SAMMSON: variants seen among roughly 807,000 people sequenced by gnomAD.
The protein encoded by SAMMSON is long intergenic non-protein coding RNA 1212.
At chr3:70,369,588 G>A (rs1321203344) in intron 9 of SAMMSON, among the ~76,000 whole-genome samples, 2 of 151,402 alleles carry the variant, frequency 1.3e-5, no homozygotes, top group African/African-American at 2.4e-5. Flanking sequence ...GAATCAGAGA[G>A]AAGATGTTGC....
intron 3 of SAMMSON, among the ~76,000 whole-genome samples, chr3:70,048,838 G>A (rs980440243): frequency 1.3e-5 from 2 of 152,030 alleles, no homozygotes; most frequent in Non-Finnish European, 2.9e-5. Context: ...GAGAGAAGAC[G>A]GTTAAACCCT....
intron 4 of SAMMSON, among the ~76,000 whole-genome samples, chr3:70,097,313 C>T (rs2067326460): frequency 6.6e-6 from 1 of 152,204 alleles, no homozygotes; most frequent in South Asian, 2.1e-4. Context: ...ACCATGAGGC[C>T]TACTGTTCTT....
At chr3:70,200,893 G>A (rs1056568591) in intron 4 of SAMMSON, among the ~76,000 whole-genome samples, 6 of 143,104 alleles carry the variant, frequency 4.2e-5, no homozygotes, top group African/African-American at 1.6e-4. Context: ...AAAGCCTGTG[G>A]TCTCTATCCC....
chr3:70,121,886 C>T (rs1392361796), intron 4 of SAMMSON, among the ~76,000 whole-genome samples: 1 of 152,056 alleles, frequency 6.6e-6, no homozygotes. Context: ...TCTAAGGATC[C>T]CCCCTGCACA....
chr3:70,344,650 A>C (rs1239447664), intron 7 of SAMMSON, among the ~76,000 whole-genome samples: 1 of 152,148 alleles, frequency 6.6e-6, no homozygotes, highest in African/African-American at 2.4e-5. Flanking sequence ...GGAGTCACAG[A>C]CACCCACCTC....
In SAMMSON at chr3:70,028,172, TTCCTTCCTTC is replaced by T. The variant is rs1559776246; in HGVS notation, n.417+14501_417+14510del. ...CTTCCTTCCTTCCTTCCTTCCTTCCTTCCTTCCTTCCTTCCTTTCTTTCTTTCTTTCTCTC... is the reference window on the plus strand; with the variant it reads ...CTTCCTTCCTTCCTTCCTTCCTTCCTCTTCCTTTCTTTCTTTCTTTCTCTC... On this transcript the variant is annotated intron_variant and non_coding_transcript_variant, in intron 3 of 9. Transcript: ENST00000642114. 5.8e-4 allele frequency among the ~76,000 whole-genome samples: 87 copies of T among 149,040 alleles called. 1 individual carries two copies. Among genetic ancestry groups the T allele is most frequent in the South Asian group, 2.8e-3 (13 of 4,618 alleles).
chr3:70,328,345 A>G (rs1482019141), intron 7 of SAMMSON, among the ~76,000 whole-genome samples: 2 of 152,178 alleles, frequency 1.3e-5, no homozygotes, highest in Admixed American at 1.3e-4. Context: ...AAAATCAATC[A>G]TTAGAAATAT....
At chr3:70,338,193 C>T (rs1232372239) in intron 7 of SAMMSON, among the ~76,000 whole-genome samples, 1 of 151,988 alleles carries the variant, frequency 6.6e-6, no homozygotes, top group African/African-American at 2.4e-5. Context: ...TGATTTGAGG[C>T]AACACATGTA....
intron 7 of SAMMSON, among the ~76,000 whole-genome samples, chr3:70,343,277 T>G (rs1471116283): frequency 6.6e-6 from 1 of 152,184 alleles, no homozygotes; most frequent in East Asian, 1.9e-4. Flanking sequence ...TCATATTTTA[T>G]TCATTTTTTT....
chr3:70,219,199 C>A (rs1420110026), intron 4 of SAMMSON, among the ~76,000 whole-genome samples: 3 of 152,148 alleles, frequency 2.0e-5, no homozygotes, highest in Admixed American at 1.3e-4. Flanking sequence ...CAAGAATGCT[C>A]ACATCTGCAA....
chr3:70,363,433 G>C (rs960028303), intron 9 of SAMMSON, among the ~76,000 whole-genome samples: 3 of 151,886 alleles, frequency 2.0e-5, no homozygotes, highest in Admixed American at 1.3e-4. Context: ...AAAACCTAAA[G>C]ACTCACACAC....
chr3:70,001,478 T>A (rs1441980986), intron 1 of SAMMSON, among the ~76,000 whole-genome samples: 1 of 151,792 alleles, frequency 6.6e-6, no homozygotes, highest in Non-Finnish European at 1.5e-5. Context: ...TAAGAATATG[T>A]TCTACATGTA....
intron 7 of SAMMSON, among the ~76,000 whole-genome samples, chr3:70,298,929 G>A (rs376647875): frequency 1.4e-4 from 22 of 152,196 alleles, no homozygotes; most frequent in East Asian, 9.7e-4. Context: ...AAAAAAGCAC[G>A]GTAATACTTC....
At chr3:70,209,982 G>C (rs1701327525) in intron 4 of SAMMSON, among the ~76,000 whole-genome samples, 1 of 152,132 alleles carries the variant, frequency 6.6e-6, no homozygotes. Flanking sequence ...TGAGTATGGA[G>C]ATTGCAGCAG....
chr3:70,290,631 G>A (rs1363601344), intron 6 of SAMMSON, among the ~76,000 whole-genome samples: 2 of 152,212 alleles, frequency 1.3e-5, no homozygotes, highest in African/African-American at 4.8e-5. Context: ...CAGCAAGCCT[G>A]GGCAATGGCG....
intron 4 of SAMMSON, among the ~76,000 whole-genome samples, chr3:70,206,350 T>C (rs961632312): frequency 1.3e-5 from 2 of 152,074 alleles, no homozygotes; most frequent in Non-Finnish European, 2.9e-5. Flanking sequence ...TTAAAACATG[T>C]TGCCTCTGAT....
At chr3:70,122,859 A>C (rs193020967) in intron 4 of SAMMSON, among the ~76,000 whole-genome samples, 121 of 152,352 alleles carry the variant, frequency 7.9e-4, no homozygotes, top group African/African-American at 2.3e-3. Flanking sequence ...ATTGTCTGCC[A>C]AATTTTTCCA....
intron 2 of SAMMSON, among the ~76,000 whole-genome samples, chr3:70,408,406 T>C (rs142170185): frequency 6.6e-6 from 1 of 152,352 alleles, no homozygotes; most frequent in African/African-American, 2.4e-5. Context: ...TAAAACCGAA[T>C]ACCTTTAACA....
chr3:70,277,795 AT>A (rs1702041679), intron 6 of SAMMSON, among the ~76,000 whole-genome samples: 3 of 152,060 alleles, frequency 2.0e-5, no homozygotes. Flanking sequence ...GTGTGTGCCC[AT>A]TTTTTATACA....
Sources: allele counts gnomAD v4.1 joint callset (sites outside exome capture counted in the v4.1 genomes callset), GRCh38; gene constraint gnomAD v4.1.1; transcripts MANE v1.5; gene names NCBI Gene and HGNC (gene_info 2026-07-23, HGNC 2026-07-21).